The following LILRA1 variants were observed in gnomAD, a reference collection of about 807,000 sequenced individuals.
LILRA1 encodes the protein leukocyte immunoglobulin-like receptor subfamily A member 1.
Under a neutral mutation model 51.6 loss-of-function variants are expected in LILRA1, and 51 were observed. The ratio of observed to expected loss-of-function variants is 0.99; its 90% CI spans 0.79 to 1.25. The LOEUF is 1.25. Among genes scored for constraint, LILRA1 ranks in the 50% most tolerant of loss-of-function variants. LILRA1 has a pLI of 0.00. For synonymous variants in LILRA1, 305 were observed against 248.4 expected (o/e 1.23, Z -2.14); for missense variants, 660 against 611.7 (o/e 1.08, Z -0.83).
intron 8 of LILRA1, among the ~76,000 whole-genome samples, chr19:54,599,921 A>C (rs1416551078): frequency 6.6e-6 from 1 of 151,592 alleles, no homozygotes; most frequent in Non-Finnish European, 1.5e-5. Context: ...ATCTCCATTT[A>C]GCATATATAT....
chr19:54,599,367 G>C, intron 8 of LILRA1, 81 bp downstream of exon 8: 2 of 1,469,876 alleles, frequency 1.4e-6, no homozygotes, highest in Non-Finnish European at 1.8e-6. Context: ...GTCCTGGGTG[G>C]ACATTTTAAA....
intron 8 of LILRA1, chr19:54,599,814 T>G (rs958743799): frequency 9.2e-6 from 2 of 217,372 alleles, no homozygotes; most frequent in African/African-American, 4.7e-5. Context: ...GCTTAATATA[T>G]TTGATGCGGT....
At position 54,600,968 on chromosome 19, in the gene LILRA1, A is replaced by C; in HGVS notation, c.*151A>C. The C allele has an allele frequency of 1.2e-6, 1 of 857,938 alleles. No individual in the cohort carries two copies. Among genetic ancestry groups the C allele is most frequent in the Non-Finnish European group, 1.9e-6 (1 of 524,746 alleles). The allele number at this position is 857,938 out of a possible 1,614,324, so 53.1% of individuals were successfully genotyped here. On this transcript the variant is annotated 3_prime_UTR_variant, in exon 10 of 10. Transcript: ENST00000251372. ...TCTGCCAATCATTTTTAGAGGGAGG[A>C]ATCAGTGTTGGATTGCAGAGACATT...
intron 8 of LILRA1, 102 bp downstream of exon 8, chr19:54,599,388 C>T: frequency 7.0e-7 from 1 of 1,422,952 alleles, no homozygotes; most frequent in Non-Finnish European, 9.4e-7. Context: ...AAATTACATT[C>T]ATTCTAATTT....
intron 2 of LILRA1, 59 bp from the exon 3 acceptor site, chr19:54,594,382 G>A: frequency 1.2e-6 from 2 of 1,614,198 alleles, no homozygotes; most frequent in African/African-American, 1.3e-5. Flanking sequence ...AAGATCCCAG[G>A]GAGGGGAGGA....
In LILRA1 at chr19:54,595,869, T is replaced by C. The variant is rs780595680; in HGVS notation, c.892T>C (p.Ser298Pro). ...CTCCTACGGGGGCCAGTACAGATGCTCCGGTGCATACAACCTCTCCTCCGA... is the reference window on the plus strand; with the variant it reads ...CTCCTACGGGGGCCAGTACAGATGCCCCGGTGCATACAACCTCTCCTCCGA... ...SRSYGGQYRC[S>P]GAYNLSSEWS... The change falls in exon 6 of 10, where the codon TCC becomes CCC. Residue 298 changes from serine (S) to proline (P), a missense_variant. Physicochemically the swap from Ser to Pro is moderately conservative, Grantham distance 74 (BLOSUM62 -1). Transcript: ENST00000251372. The C allele has an allele frequency of 6.2e-7, 1 of 1,614,042 alleles. No homozygotes were observed. Among genetic ancestry groups the C allele is most frequent in the Admixed American group, 1.7e-5 (1 of 60,022 alleles).
chr19:54,596,950 G>A (rs940733291), intron 7 of LILRA1, among the ~76,000 whole-genome samples: 17 of 147,524 alleles, frequency 1.2e-4, no homozygotes, highest in Non-Finnish European at 4.5e-5. Flanking sequence ...GGAAATAGAC[G>A]GGGCCTCCCA....
At chr19:54,599,424 A>T in intron 8 of LILRA1, 138 bp downstream of exon 8, 13 of 1,334,702 alleles carry the variant, frequency 9.7e-6, no homozygotes, top group Non-Finnish European at 1.3e-5. Context: ...ACCTTTAATG[A>T]TTTATAAGTG....
intron 8 of LILRA1, 112 bp from the exon 9 acceptor site, chr19:54,600,400 G>T: frequency 2.0e-6 from 2 of 1,001,154 alleles, no homozygotes; most frequent in South Asian, 1.4e-5. Flanking sequence ...CACAGGAAGG[G>T]TTTATTGAGG....
chr19:54,597,885 C>T (rs1336743139), intron 7 of LILRA1, among the ~76,000 whole-genome samples: 2 of 151,502 alleles, frequency 1.3e-5, no homozygotes, highest in Non-Finnish European at 2.9e-5. Flanking sequence ...AGCAAGTGCA[C>T]GGCCCCTCCT....
At position 54,595,902 on chromosome 19, in the gene LILRA1, G is replaced by A. The variant is rs540959830; in HGVS notation, c.925G>A (p.Ala309Thr). The A allele has an allele frequency of 7.9e-5, 128 of 1,613,358 alleles. No individual in the cohort carries two copies. The highest frequency in any genetic ancestry group is 3.7e-4 in the African/African-American group (28 of 75,036). Reference sequence around the variant, plus strand: ...ATACAACCTCTCCTCCGAGTGGTCGGCCCCCAGCGACCCCCTGGACATCCT... The same window carrying A: ...ATACAACCTCTCCTCCGAGTGGTCGACCCCCAGCGACCCCCTGGACATCCT... The part of the protein sequence containing the change: ...GAYNLSSEWS[A>T]PSDPLDILIA... The change falls in exon 6 of 10, where the codon GCC (alanine) becomes ACC (threonine). Residue 309 changes from alanine to threonine, a missense_variant. By Grantham distance (58) the Ala-to-Thr change is moderately conservative. Coordinates refer to ENST00000251372, the MANE Select transcript of LILRA1 (RefSeq NM_006863.4).
chr19:54,596,174 CCTT>C lies in LILRA1; in HGVS notation c.959-9_959-7del, dbSNP rs773763918. On this transcript the variant is annotated splice_polypyrimidine_tract_variant and intron_variant, in intron 6 of 9. Coordinates refer to ENST00000251372, the MANE Select transcript of LILRA1 (RefSeq NM_006863.4). ...CAAGGTGGGGCAGCCTCTCACCCAT[CCTT>C]CTTCTCTCCAGGACAGTTCCGTGGC... 36 of 1,609,594 alleles carry C rather than the reference CCTT, an allele frequency of 2.2e-5. No individual in the cohort carries two copies. Among genetic ancestry groups the C allele is most frequent in the South Asian group, 1.7e-4 (15 of 90,862 alleles).
Position 54,594,463 on chromosome 19 carries a change from C to T in LILRA1, c.57C>T (p.Thr19=). ...CAGGGCTGAGTCTGGGCCCCCGGAC[C>T]CACGTGCAGGCAGGTGAGTCTGTCC... ...ICLRLSLGPR[T]HVQAGTLPKP... The change falls in exon 3 of 10, where the codon ACC becomes ACT. Residue 19 remains threonine (T), a synonymous_variant. Coordinates refer to ENST00000251372, the MANE Select transcript of LILRA1 (RefSeq NM_006863.4). 2 of 1,614,144 alleles carry T rather than the reference C, an allele frequency of 1.2e-6. No homozygotes were observed. Among genetic ancestry groups the T allele is most frequent in the South Asian group, 1.1e-5 (1 of 91,084 alleles).
chr19:54,599,152 A>G (rs2063119620), intron 7 of LILRA1, 84 bp from the exon 8 acceptor site: 1 of 1,378,534 alleles, frequency 7.3e-7, no homozygotes, highest in Non-Finnish European at 9.7e-7. Flanking sequence ...CAGGGAGGTT[A>G]TATAAGTTAT....
chr19:54,595,794 C>A lies in LILRA1; in HGVS notation c.817C>A (p.Pro273Thr). 6.2e-7 allele frequency: 1 copy of A among 1,614,192 alleles called. No individual in the cohort carries two copies. The highest frequency in any genetic ancestry group is 8.5e-7 in the Non-Finnish European group (1 of 1,180,012). ...CTTCCTCCAGCTCCCTGGCCCACAG[C>A]CCCAGGCTGGGCTCTCCCAGGCCAA... ...RDFLQLPGPQPQAGLSQANFT... is the reference protein window; with the variant it reads ...RDFLQLPGPQTQAGLSQANFT... The change falls in exon 6 of 10, where the codon CCC becomes ACC. Residue 273 changes from proline to threonine, a missense_variant. Physicochemically the swap from Pro to Thr is conservative, Grantham distance 38. Coordinates refer to ENST00000251372, the MANE Select transcript of LILRA1 (RefSeq NM_006863.4).
intron 1 of LILRA1, 103 bp downstream of exon 1, chr19:54,593,884 G>T: frequency 7.1e-6 from 4 of 561,600 alleles, no homozygotes; most frequent in South Asian, 1.7e-5. Flanking sequence ...CCCTCATCTG[G>T]AAGGGCAGAC....
rs762969311 is a variant in LILRA1 at position 54,594,716 on chromosome 19, A to G, written c.122A>G (p.Gln41Arg). 3 of 1,613,792 alleles carry G rather than the reference A, an allele frequency of 1.9e-6. No homozygotes were observed. The highest frequency in any genetic ancestry group is 2.5e-6 in the Non-Finnish European group (3 of 1,179,878). Reference sequence around the variant, plus strand: ...GCTGAGCCAGGCTCTGTGATCACCCAGGGGAGTCCCGTGACCCTCTGGTGT... The same window carrying G: ...GCTGAGCCAGGCTCTGTGATCACCCGGGGGAGTCCCGTGACCCTCTGGTGT... Reference protein sequence around the residue: ...LWAEPGSVITQGSPVTLWCQG... With the variant: ...LWAEPGSVITRGSPVTLWCQG... Residue 41 changes from glutamine (Q) to arginine (R), a missense_variant, in exon 4 of 10, where the codon CAG becomes CGG. Transcript: ENST00000251372.
intron 9 of LILRA1, 46 bp from the exon 10 acceptor site, chr19:54,600,653 G>T (rs2063146952): frequency 3.1e-6 from 5 of 1,612,842 alleles, no homozygotes; most frequent in Non-Finnish European, 4.2e-6. Context: ...CCTGGGTGAA[G>T]TTGATCTGCC....
rs1347567207 is a variant in LILRA1, at chr19:54,596,490, A to C, written c.1260A>C (p.Ser420=). 1.2e-6 allele frequency: 2 copies of C among 1,613,970 alleles called. No homozygotes were observed. Among genetic ancestry groups the C allele is most frequent in the Non-Finnish European group, 1.7e-6 (2 of 1,180,030 alleles). ...GTGACTCCCTGGAGCTCATGGTCTC[A>C]GGTGAGGGCCCTGACCCTGTCCTCT... ...HPSDSLELMV[S]GAAETLSPPQ... The change falls in exon 7 of 10, where the codon TCA becomes TCC. Residue 420 remains serine, a splice_region_variant and synonymous_variant. Coordinates refer to ENST00000251372, the MANE Select transcript of LILRA1 (RefSeq NM_006863.4).
Sources: allele counts gnomAD v4.1 joint callset (sites outside exome capture counted in the v4.1 genomes callset), GRCh38; gene constraint gnomAD v4.1.1; transcripts MANE v1.5; gene names NCBI Gene and HGNC (gene_info 2026-07-23, HGNC 2026-07-21).